Variants in LRRTM4 observed in about 807,000 individuals in gnomAD.
The protein encoded by LRRTM4 is leucine-rich repeat transmembrane neuronal protein 4.
A neutral mutation model predicts 47.6 loss-of-function variants in LRRTM4; 25 were observed. That is an observed-to-expected ratio of 0.53 (90% CI 0.38 to 0.73). The LOEUF (loss-of-function observed/expected upper bound fraction) is 0.73, where lower values mean the gene tolerates loss of function less well. Among genes scored for constraint, LRRTM4 ranks in the 30% least tolerant of loss-of-function variants. The pLI, the probability that LRRTM4 is intolerant of heterozygous loss-of-function variation, is 0.00. For missense variants in LRRTM4, 638 were observed against 713.4 expected (o/e 0.89, Z 1.20); for synonymous variants, 311 against 269.5 (o/e 1.15, Z -1.51).
intron 3 of LRRTM4, among the ~76,000 whole-genome samples, chr2:76,909,419 AG>A (rs1673968408): frequency 6.6e-6 from 1 of 152,270 alleles, no homozygotes; most frequent in African/African-American, 2.4e-5. Flanking sequence ...ATTACCATTC[AG>A]GACATAGGCA....
chr2:77,491,719 A>G (rs1287450784), intron 3 of LRRTM4, among the ~76,000 whole-genome samples: 1 of 151,968 alleles, frequency 6.6e-6, no homozygotes, highest in African/African-American at 2.4e-5. Flanking sequence ...ATTTTTGAAG[A>G]AGAGGGAAAG....
intron 3 of LRRTM4, among the ~76,000 whole-genome samples, chr2:77,380,471 G>A (rs1472091616): frequency 2.0e-5 from 3 of 152,060 alleles, no homozygotes; most frequent in African/African-American, 7.2e-5. Context: ...TTAGTAAAAT[G>A]GCAGAAATTT....
intron 3 of LRRTM4, among the ~76,000 whole-genome samples, chr2:77,255,857 G>A (rs1263768305): frequency 6.6e-6 from 1 of 151,700 alleles, no homozygotes; most frequent in African/African-American, 2.4e-5. Flanking sequence ...CCACATTAAG[G>A]AACTAGAAAA....
chr2:76,899,122 A>C (rs1673526753), intron 3 of LRRTM4, among the ~76,000 whole-genome samples: 1 of 152,070 alleles, frequency 6.6e-6, no homozygotes, highest in Non-Finnish European at 1.5e-5. Context: ...ATTGATCAAA[A>C]GATCAACCTA....
chr2:77,035,050 AT>A lies in LRRTM4; in HGVS notation c.1552-286135del, dbSNP rs549279745. On this transcript the variant is annotated intron_variant, in intron 3 of 3. Transcript: ENST00000409884. ...TAAAAAATAATCTTTTATTTTTATT[AT>A]TTTTTTTCTTAATTATTGTTTTTTA... Among the ~76,000 whole-genome samples, 40 of 151,524 alleles carry A rather than the reference AT, an allele frequency of 2.6e-4. 1 individual carries two copies. The South Asian group carries it at 3.3e-3, about 13-fold the overall frequency.
intron 3 of LRRTM4, among the ~76,000 whole-genome samples, chr2:77,169,097 T>C (rs1453679398): frequency 6.6e-6 from 1 of 152,124 alleles, no homozygotes; most frequent in African/African-American, 2.4e-5. Context: ...CAAGATCATA[T>C]ATGACAAATC....
chr2:77,216,692 T>C (rs1674451564), intron 3 of LRRTM4, among the ~76,000 whole-genome samples: 1 of 152,158 alleles, frequency 6.6e-6, no homozygotes, highest in South Asian at 2.1e-4. Context: ...AAGGGTAACA[T>C]GTGACATTAA....
chr2:76,835,493 C>A (rs1177607565), intron 3 of LRRTM4, among the ~76,000 whole-genome samples: 3 of 151,984 alleles, frequency 2.0e-5, no homozygotes, highest in Non-Finnish European at 4.4e-5. Context: ...AGGAAGAGAA[C>A]TTTCTGACTA....
intron 3 of LRRTM4, among the ~76,000 whole-genome samples, chr2:77,089,429 G>A (rs528480778): frequency 2.5e-4 from 37 of 149,264 alleles, no homozygotes; most frequent in East Asian, 4.0e-4. Context: ...TTATTTCCGC[G>A]CCCCAACCTC....
intron 3 of LRRTM4, among the ~76,000 whole-genome samples, chr2:76,900,314 T>G (rs1673579790): frequency 1.4e-5 from 2 of 147,990 alleles, no homozygotes; most frequent in African/African-American, 5.0e-5. Context: ...GATACTGATA[T>G]ATATAGTTTT....
At chr2:77,418,730 T>C (rs1674745611) in intron 3 of LRRTM4, among the ~76,000 whole-genome samples, 1 of 152,178 alleles carries the variant, frequency 6.6e-6, no homozygotes, top group South Asian at 2.1e-4. Flanking sequence ...CTTGTTGTTC[T>C]TCCAGCCTGA....
intron 3 of LRRTM4, among the ~76,000 whole-genome samples, chr2:76,817,397 T>C (rs528722772): frequency 1.3e-5 from 2 of 152,130 alleles, no homozygotes; most frequent in African/African-American, 4.8e-5. Flanking sequence ...CAATGAAACC[T>C]GTGCAAAGTG....
At chr2:77,055,914 A>C (rs528233568) in intron 3 of LRRTM4, among the ~76,000 whole-genome samples, 5 of 151,304 alleles carry the variant, frequency 3.3e-5, no homozygotes, top group Admixed American at 6.6e-5. Context: ...ATTGGAAATT[A>C]TCATTCTCAG....
At chr2:76,750,814 G>A (rs561822402) in intron 3 of LRRTM4, among the ~76,000 whole-genome samples, 2 of 152,204 alleles carry the variant, frequency 1.3e-5, no homozygotes, top group African/African-American at 4.8e-5. Context: ...CTATTCTTAT[G>A]AGAATTATGT....
chr2:76,967,735 T>C (rs1676075859), intron 3 of LRRTM4, among the ~76,000 whole-genome samples: 1 of 151,732 alleles, frequency 6.6e-6, no homozygotes, highest in Non-Finnish European at 1.5e-5. Context: ...TTCTAACACA[T>C]TCTTTGCAGC....
chr2:77,272,360 T>G (rs189663581), intron 3 of LRRTM4, among the ~76,000 whole-genome samples: 108 of 152,196 alleles, frequency 7.1e-4, no homozygotes, highest in African/African-American at 2.5e-3. Context: ...AGCAATATAA[T>G]GAACATAGTA....
chr2:77,285,119 T>C (rs1232058510), intron 3 of LRRTM4, among the ~76,000 whole-genome samples: 1 of 151,788 alleles, frequency 6.6e-6, no homozygotes, highest in Non-Finnish European at 1.5e-5. Flanking sequence ...GCTGGAAAAC[T>C]TTATTCTAAT....
intron 3 of LRRTM4, among the ~76,000 whole-genome samples, chr2:76,773,377 G>T (rs191923630): frequency 6.6e-6 from 1 of 152,106 alleles, no homozygotes; most frequent in Non-Finnish European, 1.5e-5. Context: ...TATTGCAGTA[G>T]TCTTAAATAA....
intron 3 of LRRTM4, among the ~76,000 whole-genome samples, chr2:77,412,521 G>T (rs1299859887): frequency 6.6e-6 from 1 of 152,132 alleles, no homozygotes; most frequent in Non-Finnish European, 1.5e-5. Context: ...CAGCCTAAAT[G>T]TGAATTACTC....
Sources: gnomAD v4.1 joint callset for allele counts (sites outside exome capture counted in the v4.1 genomes callset) on GRCh38, gnomAD v4.1.1 for gene constraint, MANE v1.5 for transcripts, NCBI Gene and HGNC (gene_info 2026-07-23, HGNC 2026-07-21) for gene names.